RNF217: variants seen among roughly 807,000 people sequenced by gnomAD.
RNF217 encodes the protein ring finger protein 217, also known as E3 ubiquitin-protein ligase RNF217.
RNF217 carries 31 observed loss-of-function variants against 57.8 expected under a neutral mutation model. The ratio of observed to expected loss-of-function variants is 0.54; its 90% CI spans 0.40 to 0.72. RNF217 has a LOEUF of 0.72. RNF217 is among the 30% of genes least tolerant of loss of function. The pLI, the probability that RNF217 is intolerant of heterozygous loss-of-function variation, is 0.00. For missense variants in RNF217, 696 were observed against 708.3 expected (o/e 0.98, Z 0.20); for synonymous variants, 313 against 294.0 (o/e 1.06, Z -0.66).
intron 1 of RNF217, among the ~76,000 whole-genome samples, chr6:125,013,402 G>C (rs565419971): frequency 6.6e-6 from 1 of 150,784 alleles, no homozygotes; most frequent in East Asian, 2.0e-4. Context: ...GTTTTTGAGA[G>C]CATGGTCGTG....
At chr6:125,052,284 T>TTGTATGTGTGTG (rs374838947) in intron 2 of RNF217, among the ~76,000 whole-genome samples, 19 of 143,232 alleles carry the variant, frequency 1.3e-4, no homozygotes, top group African/African-American at 3.6e-4. Context: ...GTCATGCGTT[T>TTGTATGTGTGTG]TGTGTGTGTG....
At chr6:125,076,929 C>A in intron 4 of RNF217, 71 bp downstream of exon 4, 3 of 1,326,768 alleles carry the variant, frequency 2.3e-6, no homozygotes, top group Non-Finnish European at 3.2e-6. Flanking sequence ...TGGAAATGTG[C>A]AGCCATGGTA....
intron 1 of RNF217, among the ~76,000 whole-genome samples, chr6:124,983,979 C>T (rs903077650): frequency 6.6e-6 from 1 of 152,134 alleles, no homozygotes; most frequent in Non-Finnish European, 1.5e-5. Context: ...GAAGGGGCAA[C>T]ACAAGCTCTC....
intron 1 of RNF217, among the ~76,000 whole-genome samples, chr6:124,966,772 A>G (rs1783558935): frequency 6.6e-6 from 1 of 152,188 alleles, no homozygotes; most frequent in Non-Finnish European, 1.5e-5. Flanking sequence ...GGATTTTTAG[A>G]CAGTATGTTT....
intron 3 of RNF217, among the ~76,000 whole-genome samples, chr6:125,059,726 G>A (rs1393896536): frequency 1.3e-5 from 2 of 152,150 alleles, no homozygotes; most frequent in Non-Finnish European, 2.9e-5. Context: ...AGCCGACCAT[G>A]GGGAATTTAC....
At chr6:125,004,481 A>T (rs576099627) in intron 1 of RNF217, among the ~76,000 whole-genome samples, 1 of 152,310 alleles carries the variant, frequency 6.6e-6, no homozygotes, top group South Asian at 2.1e-4. Context: ...AACAGTGAAG[A>T]TCCTAGCCCT....
In RNF217 at chr6:125,087,883, C is replaced by G. The variant is rs929380178; in HGVS notation, c.*4946C>G. 3 of 151,940 alleles carry G rather than the reference C, an allele frequency of 2.0e-5. No individual in the cohort carries two copies. Among genetic ancestry groups the G allele is most frequent in the African/African-American group, 7.3e-5 (3 of 41,358 alleles). The allele number at this position is 151,940 out of a possible 1,614,324, so 9.4% of individuals were successfully genotyped here. A position where few individuals can be genotyped will look rare whatever the true frequency, so the allele number is the denominator to read the frequency against. On this transcript the variant is annotated 3_prime_UTR_variant, in exon 6 of 6. Transcript: ENST00000521654. ...CATGAATTCTATAAAAGAAATCTCC[C>G]TCACTAAAAATATGATCAATCAAAA...
rs1255179983 is a variant in RNF217 at position 125,083,381 on chromosome 6, A to C, written c.*444A>C. ...AACAAGCAAGGCCACTTTTCAGAAG[A>C]TAAGAGTTCACTGAATGCACCTATT... On this transcript the variant is annotated 3_prime_UTR_variant, in exon 6 of 6. Coordinates refer to ENST00000521654, the MANE Select transcript of RNF217 (RefSeq NM_001286398.3). 1 of 152,788 alleles carries C rather than the reference A, an allele frequency of 6.5e-6. No homozygotes were observed. The highest frequency in any genetic ancestry group is 1.5e-5 in the Non-Finnish European group (1 of 68,536). The allele number at this position is 152,788 out of a possible 1,614,324, so 9.5% of individuals were successfully genotyped here.
intron 1 of RNF217, among the ~76,000 whole-genome samples, chr6:125,000,074 A>G (rs1003235540): frequency 1.3e-5 from 2 of 152,140 alleles, no homozygotes; most frequent in Admixed American, 1.3e-4. Context: ...TTTAAGCTAG[A>G]GAAACCTTGG....
intron 1 of RNF217, among the ~76,000 whole-genome samples, chr6:125,044,616 CTA>C (rs1273438470): frequency 6.6e-6 from 1 of 152,006 alleles, no homozygotes; most frequent in Non-Finnish European, 1.5e-5. Flanking sequence ...TTACTTGTTC[CTA>C]TGATTCTCAT....
chr6:124,971,592 A>C (rs894081903), intron 1 of RNF217: 3 of 213,662 alleles, frequency 1.4e-5, no homozygotes, highest in Non-Finnish European at 2.9e-5. Context: ...AGTAGTTGGG[A>C]CTACAGGTGC....
intron 1 of RNF217, among the ~76,000 whole-genome samples, chr6:125,024,635 T>G (rs71561832): frequency 0.14 from 20,768 of 150,458 alleles, 1,802 homozygotes; most frequent in Non-Finnish European, 0.2. Flanking sequence ...CGAGAGAATC[T>G]CTTGAGCCCG....
chr6:124,978,061 G>T (rs1275982247), intron 1 of RNF217, among the ~76,000 whole-genome samples: 1 of 152,020 alleles, frequency 6.6e-6, no homozygotes, highest in Non-Finnish European at 1.5e-5. Flanking sequence ...TATTTGCTTA[G>T]CACCATGCTA....
intron 1 of RNF217, among the ~76,000 whole-genome samples, chr6:124,991,075 T>G (rs1582678726): frequency 6.6e-6 from 1 of 152,112 alleles, no homozygotes; most frequent in African/African-American, 2.4e-5. Flanking sequence ...CATTTAAAAA[T>G]GTAAGACCTG....
chr6:125,006,412 T>C (rs1785181378), intron 1 of RNF217, among the ~76,000 whole-genome samples: 1 of 152,214 alleles, frequency 6.6e-6, no homozygotes, highest in Admixed American at 6.5e-5. Flanking sequence ...GTTACTATTA[T>C]AATATTATTT....
chr6:125,068,677 T>C (rs1788027666), intron 3 of RNF217, among the ~76,000 whole-genome samples: 1 of 152,188 alleles, frequency 6.6e-6, no homozygotes, highest in Non-Finnish European at 1.5e-5. Flanking sequence ...GTATAAGCTC[T>C]TTAAAGGCAG....
intron 3 of RNF217, among the ~76,000 whole-genome samples, chr6:125,058,948 A>G (rs984055046): frequency 2.0e-5 from 3 of 152,220 alleles, no homozygotes; most frequent in African/African-American, 7.2e-5. Context: ...TCTTTTAAGC[A>G]CAATTCTGCA....
rs1244648735 is a variant in RNF217 at position 125,089,145 on chromosome 6, T to C, written c.*6208T>C. 1 of 152,200 alleles carries C rather than the reference T, an allele frequency of 6.6e-6. No homozygotes were observed. The highest frequency in any genetic ancestry group is 1.5e-5 in the Non-Finnish European group (1 of 68,032). 9.4% of individuals were successfully genotyped at this position (152,200 alleles called of 1,614,324 possible). ...GAACACTTTTCCCTCTTGATAGGAGTTGGAGAACACTGCCTAGCCCTCTGC... is the reference window on the plus strand; with the variant it reads ...GAACACTTTTCCCTCTTGATAGGAGCTGGAGAACACTGCCTAGCCCTCTGC... On this transcript the variant is annotated 3_prime_UTR_variant, in exon 6 of 6. Transcript: ENST00000521654.
rs1210154493 is a variant in RNF217 at position 125,084,707 on chromosome 6, T to C, written c.*1770T>C. On this transcript the variant is annotated 3_prime_UTR_variant, in exon 6 of 6. Transcript: ENST00000521654. ...TGCTACAGCTTCTGGATTAGTTGTCTATTTCCAGTTAGAGGAGTGTGTGAC... is the reference window on the plus strand; with the variant it reads ...TGCTACAGCTTCTGGATTAGTTGTCCATTTCCAGTTAGAGGAGTGTGTGAC... 6.6e-6 allele frequency: 1 copy of C among 152,006 alleles called. No individual in the cohort carries two copies. Among genetic ancestry groups the C allele is most frequent in the Non-Finnish European group, 1.5e-5 (1 of 67,896 alleles). 9.4% of individuals were successfully genotyped at this position (152,006 alleles called of 1,614,324 possible).
Sources: gnomAD v4.1 joint callset for allele counts (sites outside exome capture counted in the v4.1 genomes callset) on GRCh38, gnomAD v4.1.1 for gene constraint, MANE v1.5 for transcripts, NCBI Gene and HGNC (gene_info 2026-07-23, HGNC 2026-07-21) for gene names.